Variants in GIGYF1 observed in about 807,000 individuals in gnomAD.
GIGYF1 encodes the protein GRB10-interacting GYF protein 1.
In GIGYF1, 84 loss-of-function variants were observed where a neutral mutation model predicts 147.1. That is an observed-to-expected ratio of 0.57 (90% CI 0.48 to 0.68). The LOEUF is 0.68. Among genes scored for constraint, GIGYF1 ranks in the 30% least tolerant of loss-of-function variants. GIGYF1 has a pLI of 0.00. For missense variants in GIGYF1, 1,485 were observed against 1,393.7 expected, an observed-to-expected ratio of 1.07 and a Z score of -1.04; for synonymous variants, 752 against 589.5, an observed-to-expected ratio of 1.28 and a Z score of -3.99.
At position 100,684,348 on chromosome 7, in the gene GIGYF1, G is replaced by C; in HGVS notation, c.1630-11C>G. ...CTGGTCCATGTTTCCCTGCTCAGGT[G>C]AGAGCTCGGCCAGTGCCCCCAGCAG... On this transcript the variant is annotated splice_polypyrimidine_tract_variant and intron_variant, in intron 16 of 26. Transcript: ENST00000678049. 1 of 1,594,346 alleles carries C rather than the reference G, an allele frequency of 6.3e-7. No individual in the cohort carries two copies. Among genetic ancestry groups the C allele is most frequent in the African/African-American group, 1.3e-5 (1 of 74,614 alleles).
intron 20 of GIGYF1, 35 bp from the exon 21 acceptor site, chr7:100,683,479 A>AG: frequency 4.3e-6 from 7 of 1,614,150 alleles, no homozygotes; most frequent in Non-Finnish European, 5.9e-6. Context: ...GGAGAGCTGC[A>AG]GGGGACAGCC....
intron 7 of GIGYF1, 24 bp from the exon 8 acceptor site, chr7:100,687,430 A>G: frequency 1.2e-6 from 2 of 1,611,678 alleles, no homozygotes; most frequent in Non-Finnish European, 1.7e-6. Flanking sequence ...CAGACGCACA[A>G]TGAAACCTGC....
In GIGYF1 at chr7:100,679,984, AG is replaced by A. The variant is rs1410135705; in HGVS notation, c.*1734del. On this transcript the variant is annotated 3_prime_UTR_variant, in exon 27 of 27. Coordinates refer to ENST00000678049, the MANE Select transcript of GIGYF1 (RefSeq NM_001375765.1). ...TCTCCCCCACACCTGGCAAGAGGGA[AG>A]GGGAGCTGGGGGCCAGCAGCAGCAA... The A allele has an allele frequency of 1.3e-5, 2 of 152,646 alleles. No individual in the cohort carries two copies. The highest frequency in any genetic ancestry group is 6.5e-5 in the Admixed American group (1 of 15,276). 9.5% of individuals were successfully genotyped at this position (152,646 alleles called of 1,614,324 possible).
chr7:100,686,747 C>CG lies in GIGYF1; in HGVS notation c.595dup (p.Arg199ProfsTer34). The stretch of plus-strand genomic sequence containing the variant: ...CTCCTCCTGTTCCTCCCGTAGGGAG[C>CG]GCCAGTTCTCGCTGTCTGAGCGGGC... On this transcript the variant is annotated frameshift_variant, in exon 10 of 27. Coordinates refer to ENST00000678049, the MANE Select transcript of GIGYF1 (RefSeq NM_001375765.1). LOFTEE classifies it high-confidence loss of function. 1 of 1,613,968 alleles carries CG rather than the reference C, an allele frequency of 6.2e-7. No individual in the cohort carries two copies.
At position 100,686,422 on chromosome 7, in the gene GIGYF1, G is replaced by A. The variant is rs138034483; in HGVS notation, c.706C>T (p.Arg236Cys). 25 of 1,598,842 alleles carry A rather than the reference G, an allele frequency of 1.6e-5. No individual in the cohort carries two copies. Among genetic ancestry groups the A allele is most frequent in the East Asian group, 1.1e-4 (5 of 44,806 alleles). ...CCATGTTCCCGCCAGCCAGCAGAGC[G>A]GGGACCACCATCTGCACAGGAAAAG... ...WRSASPDGGP[R>C]SAGWREHGER... The change falls in exon 11 of 27, where the codon CGC becomes TGC. Residue 236 changes from arginine (R) to cysteine (C), a missense_variant. Physicochemically the swap from Arg to Cys is radical, Grantham distance 180. Transcript: ENST00000678049.
In GIGYF1 at chr7:100,683,648, G is replaced by T. The variant is rs1805017511; in HGVS notation, c.1970-16C>A. 4.3e-6 allele frequency: 7 copies of T among 1,612,098 alleles called. No homozygotes were observed. Among genetic ancestry groups the T allele is most frequent in the Non-Finnish European group, 5.9e-6 (7 of 1,178,110 alleles). ...GCCTCACCACCTGCAGGGGGCAGGG[G>T]GGCAGAGGCGGCTGCAGGTGGGCAC... On this transcript the variant is annotated splice_polypyrimidine_tract_variant and intron_variant, in intron 19 of 26. Coordinates refer to ENST00000678049, the MANE Select transcript of GIGYF1 (RefSeq NM_001375765.1).
chr7:100,686,464 T>C (rs1453039367), intron 10 of GIGYF1, 31 bp from the exon 11 acceptor site: 1 of 1,554,316 alleles, frequency 6.4e-7, no homozygotes. Context: ...AGAAGAAGAG[T>C]GGGTACCCAA....
chr7:100,687,675 AC>A, intron 6 of GIGYF1, 59 bp from the exon 7 acceptor site: 1 of 497,990 alleles, frequency 2.0e-6, no homozygotes, highest in Non-Finnish European at 3.0e-6. Context: ...CTCCACCCCC[AC>A]CCCACAGCAC....
At position 100,685,154 on chromosome 7, in the gene GIGYF1, G is replaced by A. The variant is rs1805195279; in HGVS notation, c.1193-8C>T. ...GGATCCCCCGAATATCATCTGGAAG[G>A]CATGAGATAGGAGGTGGAAAGAAGG... is the stretch of plus-strand genomic sequence containing the variant. On this transcript the variant is annotated splice_polypyrimidine_tract_variant and splice_region_variant and intron_variant, in intron 13 of 26. Coordinates refer to ENST00000678049, the MANE Select transcript of GIGYF1 (RefSeq NM_001375765.1). 4 of 1,574,018 alleles carry A rather than the reference G, an allele frequency of 2.5e-6. No individual in the cohort carries two copies. The highest frequency in any genetic ancestry group is 1.7e-4 in the Middle Eastern group (1 of 6,030).
rs751988449 is a variant in GIGYF1, at chr7:100,681,787, A to G, written c.3056-16T>C. 3 of 1,590,632 alleles carry G rather than the reference A, an allele frequency of 1.9e-6. No homozygotes were observed. The highest frequency in any genetic ancestry group is 2.6e-6 in the Non-Finnish European group (3 of 1,167,178). ...AGGGAGTACCCTGAAGCCGGGGAGAAGCTGCGTCTGAGCTCTCTCCTGGGC... is the reference window on the plus strand; with the variant it reads ...AGGGAGTACCCTGAAGCCGGGGAGAGGCTGCGTCTGAGCTCTCTCCTGGGC... On this transcript the variant is annotated splice_polypyrimidine_tract_variant and intron_variant, in intron 26 of 26. Coordinates refer to ENST00000678049, the MANE Select transcript of GIGYF1 (RefSeq NM_001375765.1).
chr7:100,688,744 G>A lies in GIGYF1; in HGVS notation c.-287C>T, dbSNP rs1029769943. 5 of 326,380 alleles carry A rather than the reference G, an allele frequency of 1.5e-5. No homozygotes were observed. The highest frequency in any genetic ancestry group is 7.8e-5 in the Admixed American group (2 of 25,520). 20.2% of individuals were successfully genotyped at this position (326,380 alleles called of 1,614,324 possible). A position where few individuals can be genotyped will look rare whatever the true frequency, so the allele number is the denominator to read the frequency against. On this transcript the variant is annotated 5_prime_UTR_variant, in exon 2 of 27. Transcript: ENST00000678049. ...CTTAAGGAGAGCAGGGGGGAGGAGG[G>A]AGGGTTCAGGACATGGCTCTGCCGG...
chr7:100,681,998 G>C lies in GIGYF1; in HGVS notation c.2926-5C>G. 1 of 1,609,476 alleles carries C rather than the reference G, an allele frequency of 6.2e-7. No homozygotes were observed. The highest frequency in any genetic ancestry group is 8.5e-7 in the Non-Finnish European group (1 of 1,179,916). Reference sequence around the variant, plus strand: ...GGCGCTGCTCAGCCATGCCTCCTAAGGCAGCGGAGAGGAGGGTGAAGGTCA... The same window carrying C: ...GGCGCTGCTCAGCCATGCCTCCTAACGCAGCGGAGAGGAGGGTGAAGGTCA... On this transcript the variant is annotated splice_polypyrimidine_tract_variant and splice_region_variant and intron_variant, in intron 25 of 26. Coordinates refer to ENST00000678049, the MANE Select transcript of GIGYF1 (RefSeq NM_001375765.1).
Position 100,686,722 on chromosome 7 carries a change from CTCCTCCTGT to C in GIGYF1, c.612_620del (p.Gln205_Glu207del). ...CGAGCCTCCAGCTGCCCTCCTCCTC[CTCCTCCTGT>C]TCCTCCCGTAGGGAGCGCCAGTTCT... On this transcript the variant is annotated inframe_deletion, in exon 10 of 27. Transcript: ENST00000678049. 6.2e-7 allele frequency: 1 copy of C among 1,613,746 alleles called. No homozygotes were observed. Among genetic ancestry groups the C allele is most frequent in the East Asian group, 2.2e-5 (1 of 44,858 alleles).
At chr7:100,685,599 A>G in intron 12 of GIGYF1, 118 bp from the exon 13 acceptor site, 2 of 1,149,164 alleles carry the variant, frequency 1.7e-6, no homozygotes, top group Non-Finnish European at 2.5e-6. Flanking sequence ...CGAGTCCACC[A>G]CTTCACTTGG....
intron 12 of GIGYF1, 107 bp from the exon 13 acceptor site, chr7:100,685,588 C>T: frequency 8.1e-7 from 1 of 1,240,852 alleles, no homozygotes. Context: ...CTCCCTTAGG[C>T]CGAGTCCACC....
At chr7:100,682,271 C>A (rs1353944922) in intron 24 of GIGYF1, 36 bp from the exon 25 acceptor site, 2 of 1,608,142 alleles carry the variant, frequency 1.2e-6, no homozygotes, top group East Asian at 2.2e-5. Context: ...GGCCCCCTGG[C>A]CGGGTCTGGA....
At chr7:100,687,725 C>T (rs1030891325) in intron 6 of GIGYF1, 63 bp downstream of exon 6, 1 of 1,565,740 alleles carries the variant, frequency 6.4e-7, no homozygotes, top group African/African-American at 1.4e-5. Flanking sequence ...CCCTCTCCTC[C>T]TAACCCAACC....
chr7:100,684,635 A>G lies in GIGYF1; in HGVS notation c.1463-19T>C, dbSNP rs1255514564. ...AAGGGGCCTGGACAGGGAGCGAGGG[A>G]GCGGGAGAACCACTGGGGTCACAGG... is the stretch of plus-strand genomic sequence containing the variant. On this transcript the variant is annotated intron_variant, in intron 15 of 26. Transcript: ENST00000678049. 6.2e-7 allele frequency: 1 copy of G among 1,613,656 alleles called. No homozygotes were observed. Among genetic ancestry groups the G allele is most frequent in the Admixed American group, 1.7e-5 (1 of 59,996 alleles).
intron 1 of GIGYF1, among the ~76,000 whole-genome samples, chr7:100,691,529 G>A (rs1359956761): frequency 5.2e-5 from 5 of 96,046 alleles, no homozygotes; most frequent in Admixed American, 2.2e-4. Context: ...AAGAAAAACT[G>A]CCTAAGTTTG....
Sources: gnomAD v4.1 joint callset for allele counts (sites outside exome capture counted in the v4.1 genomes callset) on GRCh38, gnomAD v4.1.1 for gene constraint, MANE v1.5 for transcripts, NCBI Gene and HGNC (gene_info 2026-07-23, HGNC 2026-07-21) for gene names.